HDAC9: variants seen among roughly 807,000 people sequenced by gnomAD.
The protein encoded by HDAC9 is histone deacetylase 9, also known as MEF-2 interacting transcription repressor (MITR) protein.
HDAC9 carries 41 observed loss-of-function variants against 139.4 expected under a neutral mutation model. That is an observed-to-expected ratio of 0.29 (90% CI 0.23 to 0.38). HDAC9 has a LOEUF of 0.38. Among genes scored for constraint, HDAC9 ranks in the 10% least tolerant of loss-of-function variants. The pLI is 1.00. For synonymous variants in HDAC9, 517 were observed against 476.2 expected, an observed-to-expected ratio of 1.09 and a Z score of -1.12; for missense variants, 1,147 against 1,297.0, an observed-to-expected ratio of 0.88 and a Z score of 1.78.
intron 16 of HDAC9, among the ~76,000 whole-genome samples, chr7:18,777,275 C>T (rs1307050059): frequency 6.6e-6 from 1 of 152,042 alleles, no homozygotes; most frequent in Non-Finnish European, 1.5e-5. Flanking sequence ...ATATACAGTA[C>T]TCCAACACCT....
intron 2 of HDAC9, among the ~76,000 whole-genome samples, chr7:18,201,925 G>A (rs1240344610): frequency 6.6e-6 from 1 of 152,100 alleles, no homozygotes; most frequent in East Asian, 1.9e-4. Flanking sequence ...ATGAGAGATG[G>A]CACCATGGGA....
intron 8 of HDAC9, among the ~76,000 whole-genome samples, chr7:18,635,564 A>G (rs1465045552): frequency 6.6e-6 from 1 of 152,110 alleles, no homozygotes; most frequent in Non-Finnish European, 1.5e-5. Flanking sequence ...AGAGTCTGAA[A>G]ATAGCCACTC....
At chr7:18,823,153 C>T (rs571502751) in intron 17 of HDAC9, among the ~76,000 whole-genome samples, 114 of 152,198 alleles carry the variant, frequency 7.5e-4, no homozygotes, top group African/African-American at 2.6e-3. Context: ...TAACTGTTCT[C>T]ACATAGGATC....
At chr7:18,368,527 A>G (rs1328836213) in intron 1 of HDAC9, among the ~76,000 whole-genome samples, 1 of 151,490 alleles carries the variant, frequency 6.6e-6, no homozygotes, top group Non-Finnish European at 1.5e-5. Flanking sequence ...AGCAAAACAT[A>G]TTGTTTTGCT....
chr7:18,904,065 C>G (rs1419055915), intron 22 of HDAC9, among the ~76,000 whole-genome samples: 2 of 152,160 alleles, frequency 1.3e-5, no homozygotes, highest in South Asian at 4.1e-4. Flanking sequence ...TCCTGTCCTT[C>G]CCCAAACACC....
At chr7:18,797,907 A>C (rs1055498431) in intron 17 of HDAC9, among the ~76,000 whole-genome samples, 1 of 152,064 alleles carries the variant, frequency 6.6e-6, no homozygotes, top group African/African-American at 2.4e-5. Context: ...AACCTTATCG[A>C]ATATATTCTT....
At chr7:18,893,927 G>A (rs2129272826) in intron 22 of HDAC9, among the ~76,000 whole-genome samples, 1 of 152,290 alleles carries the variant, frequency 6.6e-6, no homozygotes, top group Non-Finnish European at 1.5e-5. Context: ...ATAGCCCTGA[G>A]GCAGGACCAA....
At chr7:18,955,918 G>A (rs569443977) in intron 24 of HDAC9, among the ~76,000 whole-genome samples, 1 of 152,110 alleles carries the variant, frequency 6.6e-6, no homozygotes, top group Non-Finnish European at 1.5e-5. Context: ...TTCCACATAG[G>A]TATAAAAAGG....
intron 1 of HDAC9, among the ~76,000 whole-genome samples, chr7:18,105,925 A>G (rs1370323859): frequency 2.6e-5 from 4 of 152,188 alleles, no homozygotes; most frequent in Non-Finnish European, 5.9e-5. Context: ...GATTTATGCT[A>G]CACCTGGGTG....
At chr7:18,476,901 T>C (rs1210768822) in intron 1 of HDAC9, among the ~76,000 whole-genome samples, 1 of 152,198 alleles carries the variant, frequency 6.6e-6, no homozygotes, top group Non-Finnish European at 1.5e-5. Flanking sequence ...AGTTCTGCTT[T>C]TTAAGTTTGC....
chr7:18,990,710 C>T (rs898491686), intron 25 of HDAC9, among the ~76,000 whole-genome samples: 13 of 152,226 alleles, frequency 8.5e-5, no homozygotes, highest in African/African-American at 1.4e-4. Flanking sequence ...ATTCTGTGGG[C>T]GTAGGACCCT....
intron 1 of HDAC9, among the ~76,000 whole-genome samples, chr7:18,457,309 T>A (rs1793431930): frequency 6.6e-6 from 1 of 152,230 alleles, no homozygotes; most frequent in Admixed American, 6.5e-5. Flanking sequence ...GCCTTACTCT[T>A]TTAATTTAAT....
intron 6 of HDAC9, among the ~76,000 whole-genome samples, chr7:18,619,274 G>A (rs1351907060): frequency 1.3e-5 from 2 of 152,104 alleles, no homozygotes; most frequent in Admixed American, 6.5e-5. Context: ...TTAGAAATTA[G>A]GGTAGTTGAG....
intron 2 of HDAC9, among the ~76,000 whole-genome samples, chr7:18,208,661 C>A (rs1442866324): frequency 6.6e-6 from 1 of 152,092 alleles, no homozygotes; most frequent in Non-Finnish European, 1.5e-5. Context: ...CAGGCCTGAG[C>A]CACTGCACCC....
At chr7:18,724,705 C>T in intron 12 of HDAC9, among the ~76,000 whole-genome samples, 1 of 152,134 alleles carries the variant, frequency 6.6e-6, no homozygotes, top group East Asian at 1.9e-4. Context: ...GGCCCAGTGT[C>T]ATATATGTGG....
chr7:18,369,839 G>A (rs111502793), intron 1 of HDAC9, among the ~76,000 whole-genome samples: 3 of 152,034 alleles, frequency 2.0e-5, no homozygotes, highest in Admixed American at 6.6e-5. Context: ...GGGATTGTTT[G>A]CATCCGTGTA....
At chr7:18,394,284 CAAATT>C (rs369650484) in intron 1 of HDAC9, among the ~76,000 whole-genome samples, 243 of 152,134 alleles carry the variant, frequency 1.6e-3, no homozygotes, top group African/African-American at 5.3e-3. Flanking sequence ...TTTATTTTAA[CAAATT>C]AAAATAGAGG....
chr7:18,283,414 G>C (rs1199243307), intron 2 of HDAC9, among the ~76,000 whole-genome samples: 2 of 152,134 alleles, frequency 1.3e-5, no homozygotes, highest in African/African-American at 4.8e-5. Context: ...ATGAGATTTA[G>C]GTGGGGACAC....
intron 25 of HDAC9, among the ~76,000 whole-genome samples, chr7:18,990,919 C>T (rs1435889884): frequency 6.6e-6 from 1 of 152,252 alleles, no homozygotes; most frequent in African/African-American, 2.4e-5. Flanking sequence ...ATGGAGCGCG[C>T]ACCCACTGAC....
Sources: gnomAD v4.1 joint callset for allele counts (sites outside exome capture counted in the v4.1 genomes callset) on GRCh38, gnomAD v4.1.1 for gene constraint, MANE v1.5 for transcripts, NCBI Gene and HGNC (gene_info 2026-07-23, HGNC 2026-07-21) for gene names.